MINDY2: variants seen among roughly 807,000 people sequenced by gnomAD.
The protein encoded by MINDY2 is ubiquitin carboxyl-terminal hydrolase MINDY-2.
Under a neutral mutation model 68.2 loss-of-function variants are expected in MINDY2, and 52 were observed. The ratio of observed to expected loss-of-function variants is 0.76; its 90% CI spans 0.61 to 0.96. The LOEUF (loss-of-function observed/expected upper bound fraction) is 0.96, where lower values mean the gene tolerates loss of function less well. Ranked by LOEUF, MINDY2 falls within the 40% of genes least tolerant of loss-of-function variation. MINDY2 has a pLI of 0.00. For missense variants in MINDY2, 881 were observed against 773.4 expected (o/e 1.14, Z -1.65); for synonymous variants, 372 against 303.0 (o/e 1.23, Z -2.36).
At position 58,778,633 on chromosome 15, in the gene MINDY2, T is replaced by C. The variant is rs186845813; in HGVS notation, c.840+6398T>C. On this transcript the variant is annotated intron_variant, in intron 1 of 8. Transcript: ENST00000559228. ...TATGTCTAAGGGCTAATTTCCTTTTTTTCTTTTTTTTGAGATAGACTATCA... is the reference window on the plus strand; with the variant it reads ...TATGTCTAAGGGCTAATTTCCTTTTCTTCTTTTTTTTGAGATAGACTATCA... 9.6e-4 allele frequency among the ~76,000 whole-genome samples: 145 copies of C among 151,666 alleles called. 1 individual carries two copies. Among genetic ancestry groups the C allele is most frequent in the African/African-American group, 3.4e-3 (142 of 41,438 alleles).
chr15:58,825,273 G>T (rs1482757032), intron 5 of MINDY2, among the ~76,000 whole-genome samples: 2 of 152,156 alleles, frequency 1.3e-5, no homozygotes, highest in Non-Finnish European at 2.9e-5. Context: ...ACTTCTTTTA[G>T]ATAACATTTG....
At chr15:58,803,969 A>T (rs1467104286) in intron 3 of MINDY2, among the ~76,000 whole-genome samples, 35 of 133,526 alleles carry the variant, frequency 2.6e-4, no homozygotes, top group African/African-American at 8.8e-4. Context: ...AAAAAAAAAA[A>T]TACAAAAAAT....
chr15:58,830,952 C>G (rs1457616476), intron 5 of MINDY2, among the ~76,000 whole-genome samples: 1 of 149,862 alleles, frequency 6.7e-6, no homozygotes. Context: ...TAAATTTTAG[C>G]CAGTTAGATG....
At chr15:58,802,252 T>G (rs1420185324) in intron 2 of MINDY2, 61 bp from the exon 3 acceptor site, 6 of 1,108,456 alleles carry the variant, frequency 5.4e-6, no homozygotes, top group Non-Finnish European at 7.9e-6. Context: ...TCTATTACTT[T>G]TGTAATCAGA....
At chr15:58,812,015 A>G (rs2030312545) in intron 4 of MINDY2, among the ~76,000 whole-genome samples, 1 of 152,352 alleles carries the variant, frequency 6.6e-6, no homozygotes, top group South Asian at 2.1e-4. Flanking sequence ...AGAAAAAGAC[A>G]AAGGAATCAT....
chr15:58,803,002 T>C (rs920511940), intron 3 of MINDY2, among the ~76,000 whole-genome samples: 1 of 152,226 alleles, frequency 6.6e-6, no homozygotes, highest in Non-Finnish European at 1.5e-5. Context: ...AAGGAAGTAT[T>C]AGCCAGGGAA....
chr15:58,823,502 C>T (rs2031201588), intron 5 of MINDY2, among the ~76,000 whole-genome samples: 1 of 151,618 alleles, frequency 6.6e-6, no homozygotes, highest in South Asian at 2.1e-4. Context: ...AGCAAGATCC[C>T]ATCTCTAAAA....
chr15:58,805,156 A>C (rs1276637025), intron 3 of MINDY2, among the ~76,000 whole-genome samples: 1 of 152,200 alleles, frequency 6.6e-6, no homozygotes, highest in African/African-American at 2.4e-5. Flanking sequence ...TATCAGGCAA[A>C]AAGTACCCTG....
intron 7 of MINDY2, among the ~76,000 whole-genome samples, chr15:58,851,248 A>G (rs1262958973): frequency 1.3e-5 from 2 of 152,214 alleles, no homozygotes. Context: ...TGCTGGGATT[A>G]TAGGCGTGAG....
chr15:58,817,332 A>C (rs2030751849), intron 4 of MINDY2, among the ~76,000 whole-genome samples: 1 of 152,236 alleles, frequency 6.6e-6, no homozygotes. Flanking sequence ...CAGATATCCA[A>C]ATGGCCAATG....
intron 5 of MINDY2, 96 bp from the exon 6 acceptor site, chr15:58,831,678 C>A: frequency 8.9e-7 from 1 of 1,120,650 alleles, no homozygotes; most frequent in East Asian, 2.6e-5. Context: ...AATTATTGGC[C>A]TTTTTCCATA....
At chr15:58,813,217 G>A (rs766740571) in intron 4 of MINDY2, among the ~76,000 whole-genome samples, 4 of 152,148 alleles carry the variant, frequency 2.6e-5, no homozygotes, top group African/African-American at 4.8e-5. Flanking sequence ...TTTTCCCGCC[G>A]GGCACGGTGG....
rs73428535 is a variant in MINDY2, at chr15:58,821,323, T to C, written c.1123-394T>C. On this transcript the variant is annotated intron_variant, in intron 4 of 8. Transcript: ENST00000559228. ...TGCTTTAAATGTGCAACATTTGTTTTTTAGTTAAAAAAAAAAAAAACTTGA... is the reference window on the plus strand; with the variant it reads ...TGCTTTAAATGTGCAACATTTGTTTCTTAGTTAAAAAAAAAAAAAACTTGA... 9.0e-3 allele frequency among the ~76,000 whole-genome samples: 1,359 copies of C among 151,690 alleles called. 19 individuals carry two copies. Among genetic ancestry groups the C allele is most frequent in the African/African-American group, 0.031 (1,282 of 41,428 alleles).
intron 3 of MINDY2, among the ~76,000 whole-genome samples, chr15:58,803,221 C>T (rs1335439467): frequency 6.6e-6 from 1 of 152,024 alleles, no homozygotes; most frequent in Admixed American, 6.6e-5. Context: ...AATCCCAGCA[C>T]TTTGGGAGGC....
chr15:58,797,570 T>A (rs1902365740), intron 2 of MINDY2, among the ~76,000 whole-genome samples: 1 of 152,172 alleles, frequency 6.6e-6, no homozygotes, highest in Non-Finnish European at 1.5e-5. Context: ...ATGTGGCTGC[T>A]AGAAAATTTA....
At chr15:58,825,499 G>A (rs1431199116) in intron 5 of MINDY2, among the ~76,000 whole-genome samples, 2 of 152,136 alleles carry the variant, frequency 1.3e-5, no homozygotes, top group African/African-American at 2.4e-5. Context: ...TTAAAAAAAA[G>A]CGCAGTACCA....
intron 4 of MINDY2, among the ~76,000 whole-genome samples, chr15:58,816,528 C>T (rs1222797018): frequency 6.6e-6 from 1 of 152,072 alleles, no homozygotes; most frequent in Non-Finnish European, 1.5e-5. Flanking sequence ...ACCTCAGCCT[C>T]CCAAGTAGCT....
intron 6 of MINDY2, among the ~76,000 whole-genome samples, chr15:58,835,530 G>A (rs1334258190): frequency 7.2e-5 from 11 of 152,162 alleles, no homozygotes; most frequent in Admixed American, 1.3e-4. Flanking sequence ...GTGGGTGCCT[G>A]TAATTCCAGC....
chr15:58,831,057 A>G lies in MINDY2; in HGVS notation c.1226-717A>G, dbSNP rs187625857. Among the ~76,000 whole-genome samples, 5 of 149,636 alleles carry G rather than the reference A, an allele frequency of 3.3e-5. No homozygotes were observed. In the Admixed American group the frequency reaches 3.3e-4, roughly 10 times the overall value. ...TGTGTGTGTGTATATATATATATAT[A>G]TATGTTTTAAATTATACCCCGGATC... On this transcript the variant is annotated intron_variant, in intron 5 of 8. Coordinates refer to ENST00000559228, the MANE Select transcript of MINDY2 (RefSeq NM_001040450.3).
Sources: allele counts gnomAD v4.1 joint callset (sites outside exome capture counted in the v4.1 genomes callset), GRCh38; gene constraint gnomAD v4.1.1; transcripts MANE v1.5; gene names NCBI Gene and HGNC (gene_info 2026-07-23, HGNC 2026-07-21).